SAMMSON: variants seen among roughly 807,000 people sequenced by gnomAD.
SAMMSON encodes the protein long intergenic non-protein coding RNA 1212.
intron 7 of SAMMSON, among the ~76,000 whole-genome samples, chr3:70,324,808 C>T (rs149764686): frequency 3.3e-5 from 5 of 151,880 alleles, no homozygotes; most frequent in African/African-American, 7.2e-5. Flanking sequence ...AAAAGCACAG[C>T]GTAATGCATC....
intron 7 of SAMMSON, among the ~76,000 whole-genome samples, chr3:70,350,493 AC>A (rs1702786433): frequency 6.6e-6 from 1 of 152,020 alleles, no homozygotes; most frequent in Non-Finnish European, 1.5e-5. Flanking sequence ...AACATCATGA[AC>A]CCTTTATGAT....
chr3:70,052,658 G>T (rs1016796805), intron 3 of SAMMSON, among the ~76,000 whole-genome samples: 1 of 152,068 alleles, frequency 6.6e-6, no homozygotes, highest in Non-Finnish European at 1.5e-5. Context: ...TTAAATCAAG[G>T]TTTCTCAGTC....
At chr3:70,136,217 G>GTCCC in intron 4 of SAMMSON, among the ~76,000 whole-genome samples, 1 of 152,260 alleles carries the variant, frequency 6.6e-6, no homozygotes, top group East Asian at 1.9e-4. Flanking sequence ...CCGTTGTGTA[G>GTCCC]TCCCCTCCCA....
chr3:70,215,622 C>T (rs1298472122), intron 4 of SAMMSON, among the ~76,000 whole-genome samples: 2 of 152,060 alleles, frequency 1.3e-5, no homozygotes, highest in Non-Finnish European at 2.9e-5. Context: ...GGTTGATATC[C>T]TTACTAGATC....
At chr3:70,158,660 G>A (rs2067601687) in intron 4 of SAMMSON, among the ~76,000 whole-genome samples, 1 of 151,854 alleles carries the variant, frequency 6.6e-6, no homozygotes, top group African/African-American at 2.4e-5. Context: ...ATCAAGAGAA[G>A]CCAAGAGTAT....
At chr3:70,279,876 T>C (rs572008255) in intron 6 of SAMMSON, among the ~76,000 whole-genome samples, 11 of 152,198 alleles carry the variant, frequency 7.2e-5, no homozygotes, top group Non-Finnish European at 1.3e-4. Context: ...TGTCATATCC[T>C]GGTTCTTTGT....
chr3:70,313,817 A>G (rs899325440), intron 7 of SAMMSON, among the ~76,000 whole-genome samples: 2 of 152,098 alleles, frequency 1.3e-5, no homozygotes, highest in African/African-American at 2.4e-5. Flanking sequence ...TGTTTCTCCC[A>G]TTATTAATAA....
chr3:70,044,977 A>G (rs1260267743), intron 3 of SAMMSON, among the ~76,000 whole-genome samples: 1,763 of 136,270 alleles, frequency 0.013, 76 homozygotes, highest in African/African-American at 0.046. Flanking sequence ...TATTACATAA[A>G]GTAAAATACT....
chr3:70,115,210 C>CA (rs11456109), intron 4 of SAMMSON, among the ~76,000 whole-genome samples: 65,459 of 117,222 alleles, frequency 0.56, 16,609 homozygotes, highest in East Asian at 0.92. Flanking sequence ...CTCTATTTTC[C>CA]AAAAAAAAAA....
chr3:70,187,973 A>G (rs1255979498), intron 4 of SAMMSON, among the ~76,000 whole-genome samples: 2 of 151,816 alleles, frequency 1.3e-5, no homozygotes, highest in Non-Finnish European at 2.9e-5. Context: ...ACTTGGACAT[A>G]CCTCCCACCA....
chr3:70,186,181 C>T (rs1305482213), intron 4 of SAMMSON, among the ~76,000 whole-genome samples: 1 of 152,020 alleles, frequency 6.6e-6, no homozygotes, highest in Non-Finnish European at 1.5e-5. Flanking sequence ...ATTAAGTTTT[C>T]TTTACTTCAA....
chr3:70,375,782 C>A (rs1445324729), intron 9 of SAMMSON, among the ~76,000 whole-genome samples: 1 of 152,138 alleles, frequency 6.6e-6, no homozygotes, highest in African/African-American at 2.4e-5. Context: ...GAGTGAGGCT[C>A]TCACCTTCAG....
chr3:70,041,588 A>C (rs182377456), intron 3 of SAMMSON, among the ~76,000 whole-genome samples: 35 of 152,218 alleles, frequency 2.3e-4, no homozygotes, highest in African/African-American at 8.4e-4. Flanking sequence ...AGCCCTTTGA[A>C]TCTGTGGATT....
intron 4 of SAMMSON, chr3:70,126,725 G>T (rs2067460523): frequency 4.0e-6 from 1 of 251,228 alleles, no homozygotes. Context: ...TTTGTTTTTT[G>T]TTTTTTTTGA....
chr3:70,267,473 G>C (rs893491777), intron 6 of SAMMSON, among the ~76,000 whole-genome samples: 5 of 127,362 alleles, frequency 3.9e-5, no homozygotes, highest in Non-Finnish European at 6.2e-5. Flanking sequence ...CGCGATCTCC[G>C]CTCACTGCAA....
At chr3:70,088,030 G>A (rs559953571) in intron 4 of SAMMSON, among the ~76,000 whole-genome samples, 3 of 152,210 alleles carry the variant, frequency 2.0e-5, no homozygotes, top group South Asian at 2.1e-4. Context: ...GAATCCAGGG[G>A]CCTAACTAAT....
rs572279146 is a variant in SAMMSON, at chr3:70,228,768, A to G, written n.508-20339A>G. ...TTTTTTTTTTTTACTAACAACAGTC[A>G]AGTTTCATTTGCATTCTCCTTTTCT... On this transcript the variant is annotated intron_variant and non_coding_transcript_variant, in intron 4 of 9. Coordinates refer to ENST00000642114, the Ensembl canonical transcript of SAMMSON. 5.9e-4 allele frequency among the ~76,000 whole-genome samples: 89 copies of G among 151,740 alleles called. 1 individual carries two copies. Among genetic ancestry groups the G allele is most frequent in the South Asian group, 3.7e-3 (18 of 4,818 alleles).
intron 3 of SAMMSON, chr3:70,065,300 ACTCT>A (rs1313727348): frequency 1.3e-5 from 2 of 151,914 alleles, no homozygotes; most frequent in African/African-American, 4.8e-5. Context: ...TAACATAGCA[ACTCT>A]GGCAATTTTA....
At chr3:70,293,654 T>C (rs1454743485) in intron 7 of SAMMSON, among the ~76,000 whole-genome samples, 1 of 152,134 alleles carries the variant, frequency 6.6e-6, no homozygotes, top group Admixed American at 6.5e-5. Flanking sequence ...TTTGTAGGCC[T>C]GTTCCTTTCC....
Sources: allele counts gnomAD v4.1 joint callset (sites outside exome capture counted in the v4.1 genomes callset), GRCh38; gene constraint gnomAD v4.1.1; transcripts MANE v1.5; gene names NCBI Gene and HGNC (gene_info 2026-07-23, HGNC 2026-07-21).